The following STOX2 variants were observed in gnomAD, a reference collection of about 807,000 sequenced individuals.
STOX2 encodes storkhead box 2.
Under a neutral mutation model 60.9 loss-of-function variants are expected in STOX2, and 28 were observed. That is an observed-to-expected ratio of 0.46 (90% CI 0.34 to 0.63). STOX2 has a LOEUF of 0.63. Among genes scored for constraint, STOX2 ranks in the 30% least tolerant of loss-of-function variants. The pLI, the probability that STOX2 is intolerant of heterozygous loss-of-function variation, is 0.01. For missense variants in STOX2, 1,024 were observed against 1,187.7 expected, an observed-to-expected ratio of 0.86 and a Z score of 2.03; for synonymous variants, 472 against 463.9, an observed-to-expected ratio of 1.02 and a Z score of -0.22.
intron 1 of STOX2, among the ~76,000 whole-genome samples, chr4:183,863,636 G>A (rs1740500971): frequency 6.6e-6 from 1 of 152,104 alleles, no homozygotes; most frequent in East Asian, 1.9e-4. Flanking sequence ...GGGACTCTAG[G>A]ATCTCAAAGC....
At chr4:183,803,816 AGCCAGGTGTGGTGG>A (rs1738822893) in intron 1 of STOX2, among the ~76,000 whole-genome samples, 1 of 152,186 alleles carries the variant, frequency 6.6e-6, no homozygotes, top group South Asian at 2.1e-4. Flanking sequence ...CACAAAAATT[AGCCAGGTGTGGTGG>A]CAGACACCTG....
intron 1 of STOX2, among the ~76,000 whole-genome samples, chr4:183,999,661 C>T (rs976903165): frequency 3.3e-5 from 5 of 152,198 alleles, no homozygotes; most frequent in African/African-American, 1.2e-4. Flanking sequence ...TCCTCCGAGG[C>T]ACCTGTTGGA....
intron 1 of STOX2, among the ~76,000 whole-genome samples, chr4:183,934,842 C>T (rs1412713790): frequency 6.6e-6 from 1 of 152,214 alleles, no homozygotes; most frequent in Non-Finnish European, 1.5e-5. Context: ...TATGTACCTG[C>T]TTAGATAGGT....
At chr4:183,824,632 ATATT>A (rs1334437064) in intron 1 of STOX2, among the ~76,000 whole-genome samples, 3 of 152,250 alleles carry the variant, frequency 2.0e-5, no homozygotes, top group African/African-American at 7.2e-5. Flanking sequence ...AACAGAAATT[ATATT>A]TATTTGACAT....
chr4:183,949,589 T>C (rs973334040), intron 1 of STOX2, among the ~76,000 whole-genome samples: 3 of 152,122 alleles, frequency 2.0e-5, no homozygotes, highest in Non-Finnish European at 4.4e-5. Context: ...TCCCAGCTAC[T>C]CAGGAGGCTG....
Position 184,009,251 on chromosome 4 carries a change from T to A in STOX2, c.413T>A (p.Ile138Asn). The stretch of plus-strand genomic sequence containing the variant: ...TACCCAACTCCAGATGGCTACTTCA[T>A]CGTGACCCCACAGACTTATTTCATA... ...KIYPTPDGYF[I>N]VTPQTYFITP... Residue 138 changes from isoleucine to asparagine, a missense_variant, in exon 3 of 4, where the codon ATC becomes AAC. By Grantham distance (149) the Ile-to-Asn change is moderately radical. Coordinates refer to ENST00000308497, the MANE Select transcript of STOX2 (RefSeq NM_020225.3). This position sits in a 1 kb window ranked among gnomAD's most constrained non-coding sequence, Gnocchi z 4.0. 6.5e-7 allele frequency: 1 copy of A among 1,550,180 alleles called. No homozygotes were observed. Among genetic ancestry groups the A allele is most frequent in the Non-Finnish European group, 8.8e-7 (1 of 1,138,566 alleles).
intron 1 of STOX2, among the ~76,000 whole-genome samples, chr4:183,839,805 A>C (rs1377666163): frequency 3.9e-5 from 6 of 152,154 alleles, no homozygotes; most frequent in African/African-American, 1.2e-4. Context: ...GTGGCACCTA[A>C]TGTTGTGCAG....
Position 184,001,527 on chromosome 4 carries a change from G to T in STOX2, c.319+50G>T. The T allele has an allele frequency of 6.3e-7, 1 of 1,586,752 alleles. No homozygotes were observed. Among genetic ancestry groups the T allele is most frequent in the Non-Finnish European group, 8.6e-7 (1 of 1,161,484 alleles). The stretch of plus-strand genomic sequence containing the variant: ...TTCCAGGTGGCGGTGTGCTGTGGTC[G>T]CTCTAGGACTCACGTGGACTGTTCT... On this transcript the variant is annotated intron_variant, in intron 2 of 3. Coordinates refer to ENST00000308497, the MANE Select transcript of STOX2 (RefSeq NM_020225.3). The surrounding 1 kb of genome is among the most constrained non-coding windows in gnomAD (Gnocchi z 4.2).
rs1133359 is a variant in STOX2, at chr4:184,022,347, A to G, written c.*5063A>G. On this transcript the variant is annotated 3_prime_UTR_variant, in exon 4 of 4. Coordinates refer to ENST00000308497, the MANE Select transcript of STOX2 (RefSeq NM_020225.3). Reference sequence around the variant, plus strand: ...TCTGCATCTTTTGCAGCAGCAGCCCACAAGGAGATTCCCAGAGATGGCTCC... The same window carrying G: ...TCTGCATCTTTTGCAGCAGCAGCCCGCAAGGAGATTCCCAGAGATGGCTCC... 0.67 allele frequency: 101,077 copies of G among 151,978 alleles called. 34,454 individuals are homozygous for G. The highest frequency in any genetic ancestry group is 0.9 in the East Asian group (4,675 of 5,168). 9.4% of individuals were successfully genotyped at this position (151,978 alleles called of 1,614,324 possible).
At chr4:183,888,458 G>A (rs1279997719) in intron 1 of STOX2, among the ~76,000 whole-genome samples, 1 of 152,164 alleles carries the variant, frequency 6.6e-6, no homozygotes, top group Non-Finnish European at 1.5e-5. Context: ...TCTGCATTCT[G>A]TACTCTGTAC....
At chr4:183,903,371 C>A (rs1040973447), upstream of STOX2, among the ~76,000 whole-genome samples, 1 of 152,188 alleles carries the variant, frequency 6.6e-6, no homozygotes, top group African/African-American at 2.4e-5. Flanking sequence ...CCATCTCCCC[C>A]ACTCTTTGCT....
At chr4:183,907,909 A>G (rs994258678) in intron 1 of STOX2, among the ~76,000 whole-genome samples, 1 of 152,228 alleles carries the variant, frequency 6.6e-6, no homozygotes, top group African/African-American at 2.4e-5. Context: ...ATTTTCTTCT[A>G]AGCACACTGT....
intron 1 of STOX2, among the ~76,000 whole-genome samples, chr4:183,803,656 A>G (rs918099872): frequency 6.6e-6 from 1 of 152,212 alleles, no homozygotes; most frequent in Non-Finnish European, 1.5e-5. Flanking sequence ...GTGGCACAAC[A>G]GACATTTGAA....
intron 1 of STOX2, among the ~76,000 whole-genome samples, chr4:183,848,241 C>T (rs1489226668): frequency 6.6e-6 from 1 of 152,160 alleles, no homozygotes; most frequent in African/African-American, 2.4e-5. Flanking sequence ...AACTCAGGTG[C>T]TGTTGATCAT....
intron 1 of STOX2, among the ~76,000 whole-genome samples, chr4:183,943,192 CGT>C (rs1742798092): frequency 6.6e-6 from 1 of 152,058 alleles, no homozygotes; most frequent in Admixed American, 6.5e-5. Context: ...GGACAGTGAC[CGT>C]GTGTTTGCAA....
chr4:183,957,036 G>T (rs1263381560), intron 1 of STOX2, among the ~76,000 whole-genome samples: 1 of 148,340 alleles, frequency 6.7e-6, no homozygotes, highest in Non-Finnish European at 1.5e-5. Flanking sequence ...GATAGCATTA[G>T]GAGATATACC....
rs149575139 is a variant in STOX2, at chr4:183,846,158, G to A, written c.364+48103G>A. On this transcript the variant is annotated intron_variant, in intron 1 of 2. Coordinates refer to the STOX2 transcript ENST00000513034. Reference sequence around the variant, plus strand: ...CCTTCTGGCCTCCGTGGCTTCTGATGAGAAATTAACTGTTAATCTTACTGT... The same window carrying A: ...CCTTCTGGCCTCCGTGGCTTCTGATAAGAAATTAACTGTTAATCTTACTGT... Among the ~76,000 whole-genome samples, 13 of 152,308 alleles carry A rather than the reference G, an allele frequency of 8.5e-5. No homozygotes were observed. In the East Asian group the frequency reaches 2.5e-3, roughly 29 times the overall value.
intron 1 of STOX2, among the ~76,000 whole-genome samples, chr4:183,927,814 A>G (rs1742288326): frequency 1.3e-5 from 2 of 152,162 alleles, no homozygotes; most frequent in South Asian, 4.1e-4. Context: ...AGCCATTGTC[A>G]GTCTGCTCTC....
rs1038713977 is a variant in STOX2, at chr4:183,856,758, A to G, written c.364+58703A>G. ...GAGATGTGAAAGTGCTACTTTAAAAATAGTCTTTTTTCAGTAGTGTCTGTT... is the reference window on the plus strand; with the variant it reads ...GAGATGTGAAAGTGCTACTTTAAAAGTAGTCTTTTTTCAGTAGTGTCTGTT... On this transcript the variant is annotated intron_variant, in intron 1 of 2. Coordinates refer to the STOX2 transcript ENST00000513034. This position sits in a 1 kb window ranked among gnomAD's most constrained non-coding sequence, Gnocchi z 4.0. Among the ~76,000 whole-genome samples the G allele has an allele frequency of 6.6e-6, 1 of 152,228 alleles. No homozygotes were observed. Among genetic ancestry groups the G allele is most frequent in the African/African-American group, 2.4e-5 (1 of 41,448 alleles).
Sources: gnomAD v4.1 joint callset for allele counts (sites outside exome capture counted in the v4.1 genomes callset) on GRCh38, gnomAD v4.1.1 for gene constraint, Gnocchi (gnomAD v3.1) non-coding constraint, MANE v1.5 for transcripts, NCBI Gene and HGNC (gene_info 2026-07-23, HGNC 2026-07-21) for gene names.